Variants in ACTN2 observed in about 807,000 individuals in gnomAD.
The protein encoded by ACTN2 is alpha-actinin-2.
A neutral mutation model predicts 113.8 loss-of-function variants in ACTN2; 39 were observed. That is an observed-to-expected ratio of 0.34 (90% CI 0.27 to 0.45). The LOEUF (loss-of-function observed/expected upper bound fraction) is 0.45. ACTN2 is among the 20% of genes least tolerant of loss of function. ACTN2 has a pLI of 1.00. For missense variants in ACTN2, 992 were observed against 1,177.9 expected, an observed-to-expected ratio of 0.84 and a Z score of 2.31; for synonymous variants, 429 against 444.1, an observed-to-expected ratio of 0.97 and a Z score of 0.43.
In ACTN2 at chr1:236,686,804, GC is replaced by G; in HGVS notation, c.126+6del. On this transcript the variant is annotated splice_donor_region_variant and intron_variant, in intron 1 of 20. Transcript: ENST00000366578. ...TGGGAGAAGCAGCAGAGGAAGGTCA[GC>G]AGGGGCCCGCGGGCCGCCCGCGCGT... is the stretch of plus-strand genomic sequence containing the variant. 6.7e-7 allele frequency: 1 copy of G among 1,496,336 alleles called. No individual in the cohort carries two copies. Among genetic ancestry groups the G allele is most frequent in the Non-Finnish European group, 8.9e-7 (1 of 1,118,946 alleles). 92.7% of individuals were successfully genotyped at this position (1,496,336 alleles called of 1,614,324 possible). A position where few individuals can be genotyped will look rare whatever the true frequency, so the allele number is the denominator to read the frequency against.
At chr1:236,740,819 A>G (rs947007891) in intron 10 of ACTN2, among the ~76,000 whole-genome samples, 3 of 151,592 alleles carry the variant, frequency 2.0e-5, no homozygotes, top group African/African-American at 4.8e-5. Context: ...TTATTTTTAC[A>G]TTCTCAGTTT....
chr1:236,739,244 TAA>T, intron 9 of ACTN2, 56 bp from the exon 10 acceptor site: 1 of 1,546,936 alleles, frequency 6.5e-7, no homozygotes. Context: ...TTTTTTTTTT[TAA>T]CTGGGGGAGG....
chr1:236,739,501 C>T lies in ACTN2; in HGVS notation c.1076C>T (p.Ala359Val). 6.2e-7 allele frequency: 1 copy of T among 1,614,106 alleles called. No homozygotes were observed. Among genetic ancestry groups the T allele is most frequent in the Non-Finnish European group, 8.5e-7 (1 of 1,179,974 alleles). ...AAGCTGCGGATCAGCAACCGTCCTG[C>T]CTTCATGCCCTCCGAGGGCAAGATG... ...QTKLRISNRP[A>V]FMPSEGKMVS... The change falls in exon 10 of 21, where the codon GCC (alanine) becomes GTC (valine). Residue 359 changes from alanine (A) to valine (V), a missense_variant. By Grantham distance (64) the Ala-to-Val change is moderately conservative. Around this residue, in one of 3 missense-constraint regions of ACTN2, gnomAD observed 736 missense variants for 815.4 expected, o/e 0.90. Transcript: ENST00000366578.
chr1:236,730,280 T>TG (rs1658676718), intron 6 of ACTN2, among the ~76,000 whole-genome samples: 1 of 152,012 alleles, frequency 6.6e-6, no homozygotes, highest in Non-Finnish European at 1.5e-5. Flanking sequence ...ACTTTTTTTT[T>TG]TTTTTTACTG....
chr1:236,758,175 T>C (rs1246802030), intron 18 of ACTN2, among the ~76,000 whole-genome samples: 2 of 152,208 alleles, frequency 1.3e-5, no homozygotes, highest in African/African-American at 4.8e-5. Flanking sequence ...AAAAATATCA[T>C]CTAGTATTCT....
chr1:236,715,744 T>TC (rs1255471523), intron 1 of ACTN2, among the ~76,000 whole-genome samples: 2 of 152,070 alleles, frequency 1.3e-5, no homozygotes, highest in Non-Finnish European at 2.9e-5. Context: ...TCACCTGAAG[T>TC]CAGGAGTTTA....
intron 4 of ACTN2, 86 bp from the exon 5 acceptor site, chr1:236,725,847 T>A (rs532987103): frequency 8.2e-7 from 1 of 1,212,864 alleles, no homozygotes; most frequent in African/African-American, 1.5e-5. Context: ...ATCGACCCCC[T>A]GGGAGGTCTG....
At chr1:236,699,431 G>A (rs1657610263) in intron 1 of ACTN2, among the ~76,000 whole-genome samples, 1 of 152,170 alleles carries the variant, frequency 6.6e-6, no homozygotes, top group East Asian at 1.9e-4. Context: ...GAGGGAAGGG[G>A]CCACAGGAGA....
chr1:236,701,885 A>C (rs186895654), intron 1 of ACTN2, among the ~76,000 whole-genome samples: 1 of 152,262 alleles, frequency 6.6e-6, no homozygotes, highest in Non-Finnish European at 1.5e-5. Context: ...CCTCATTTCT[A>C]TAATGAGACA....
Position 236,739,618 on chromosome 1 carries a change from A to G in ACTN2, c.1107+86A>G, listed in dbSNP as rs186682160. The G allele has an allele frequency of 5.8e-5, 85 of 1,459,722 alleles. No homozygotes were observed. The African/African-American group carries it at 8.5e-4, about 15-fold the overall frequency. 90.4% of individuals were successfully genotyped at this position (1,459,722 alleles called of 1,614,324 possible). A position where few individuals can be genotyped will look rare whatever the true frequency, so the allele number is the denominator to read the frequency against. On this transcript the variant is annotated intron_variant, in intron 10 of 20. Transcript: ENST00000366578. ...CGTTTGACCTGGGTCAGGAGGAGGC[A>G]TTGACTTCTTGAATCTTTTTAGTTG...
At chr1:236,734,143 G>A (rs1356298666) in intron 7 of ACTN2, among the ~76,000 whole-genome samples, 9 of 152,100 alleles carry the variant, frequency 5.9e-5, no homozygotes, top group African/African-American at 1.9e-4. Flanking sequence ...CAATTCCGAG[G>A]GCCTAATTCT....
chr1:236,743,827 T>C (rs1023119654), intron 11 of ACTN2, among the ~76,000 whole-genome samples: 10 of 152,228 alleles, frequency 6.6e-5, no homozygotes, highest in African/African-American at 2.4e-4. Context: ...GAATTCTTAA[T>C]CTAGCAGGGC....
At position 236,725,988 on chromosome 1, in the gene ACTN2, T is replaced by C. The variant is rs756093904; in HGVS notation, c.504T>C (p.Tyr168=). The change falls in exon 5 of 21, where the codon TAT becomes TAC. Residue 168 remains tyrosine (Y), a synonymous_variant. Coordinates refer to ENST00000366578, the MANE Select transcript of ACTN2 (RefSeq NM_001103.4). ...GGTGTCAGAGGAAAACTGCTCCTTA[T>C]AGAAATGTGAACATTCAGAACTTCC... The part of the protein sequence containing the change: ...LLWCQRKTAP[Y]RNVNIQNFHT... 13 of 1,614,204 alleles carry C rather than the reference T, an allele frequency of 8.1e-6. No homozygotes were observed. The highest frequency in any genetic ancestry group is 1.1e-5 in the South Asian group (1 of 91,082).
At chr1:236,708,240 T>C (rs1035028885) in intron 1 of ACTN2, among the ~76,000 whole-genome samples, 1 of 152,184 alleles carries the variant, frequency 6.6e-6, no homozygotes, top group African/African-American at 2.4e-5. Flanking sequence ...AGATGCCTAA[T>C]TATGTAAGTT....
chr1:236,727,833 T>A, intron 6 of ACTN2, 77 bp downstream of exon 6: 1 of 1,430,502 alleles, frequency 7.0e-7, no homozygotes, highest in Non-Finnish European at 9.8e-7. Context: ...ACATCAGCAC[T>A]AGCCTAGCAC....
At chr1:236,696,090 T>C (rs1015001363) in intron 1 of ACTN2, among the ~76,000 whole-genome samples, 2 of 151,974 alleles carry the variant, frequency 1.3e-5, no homozygotes, top group Non-Finnish European at 2.9e-5. Context: ...GCAGATCACA[T>C]CAGGTCAGGA....
intron 12 of ACTN2, among the ~76,000 whole-genome samples, chr1:236,745,453 CAAAAT>C (rs1367368537): frequency 6.6e-6 from 1 of 152,102 alleles, no homozygotes; most frequent in Non-Finnish European, 1.5e-5. Flanking sequence ...AAAAACAAAA[CAAAAT>C]AAAACAAAAA....
intron 9 of ACTN2, among the ~76,000 whole-genome samples, chr1:236,738,354 C>T (rs1658955629): frequency 6.6e-6 from 1 of 152,182 alleles, no homozygotes; most frequent in South Asian, 2.1e-4. Flanking sequence ...GGAAAAGTAT[C>T]AGGACATTTG....
At chr1:236,747,564 G>A (rs2102934370) in intron 12 of ACTN2, 103 bp from the exon 13 acceptor site, 1 of 1,020,740 alleles carries the variant, frequency 9.8e-7, no homozygotes, top group Non-Finnish European at 1.5e-6. Flanking sequence ...CATTTCAGAT[G>A]TTTTTGTTTT....
Sources: gnomAD v4.1 joint callset for allele counts (sites outside exome capture counted in the v4.1 genomes callset) on GRCh38, gnomAD v4.1.1 for gene constraint, gnomAD v4.1.1 regional missense constraint, MANE v1.5 for transcripts, NCBI Gene and HGNC (gene_info 2026-07-23, HGNC 2026-07-21) for gene names.